ANKRD12: variants seen among roughly 807,000 people sequenced by gnomAD.
ANKRD12 encodes ankyrin repeat domain 12.
A neutral mutation model predicts 183.4 loss-of-function variants in ANKRD12; 85 were observed. That is an observed-to-expected ratio of 0.46 (90% CI 0.39 to 0.56). The LOEUF is 0.56. Among genes scored for constraint, ANKRD12 ranks in the 20% least tolerant of loss-of-function variants. The probability of loss-of-function intolerance (pLI) is 0.00; values close to 1 mark genes in which losing one functional copy is unlikely to be tolerated. For synonymous variants in ANKRD12, 914 were observed against 800.2 expected, an observed-to-expected ratio of 1.14 and a Z score of -2.40; for missense variants, 2,405 against 2,357.1, an observed-to-expected ratio of 1.02 and a Z score of -0.42.
intron 7 of ANKRD12, among the ~76,000 whole-genome samples, chr18:9,217,714 A>G (rs531848608): frequency 2.6e-5 from 4 of 152,280 alleles, no homozygotes; most frequent in East Asian, 3.9e-4. Flanking sequence ...GTACAAACCT[A>G]TATCATAGCA....
chr18:9,215,940 A>G (rs1042112674), intron 6 of ANKRD12, among the ~76,000 whole-genome samples: 7 of 151,972 alleles, frequency 4.6e-5, no homozygotes, highest in African/African-American at 1.7e-4. Context: ...TCAAGTGATG[A>G]GGAAGAAGAC....
rs766509136 is a variant in ANKRD12 at position 9,275,486 on chromosome 18, T to G, written c.5764-38T>G. On this transcript the variant is annotated intron_variant, in intron 10 of 12. Coordinates refer to ENST00000262126, the MANE Select transcript of ANKRD12 (RefSeq NM_015208.5). ...AGACTGTTCTTAAACAAAAATTTGTTGAAGAATTTATTTTTTTTTAATTCT... is the reference window on the plus strand; with the variant it reads ...AGACTGTTCTTAAACAAAAATTTGTGGAAGAATTTATTTTTTTTTAATTCT... The G allele has an allele frequency of 1.1e-5, 17 of 1,587,080 alleles. No individual in the cohort carries two copies. In the South Asian group the frequency reaches 1.8e-4, roughly 17 times the overall value.
intron 4 of ANKRD12, among the ~76,000 whole-genome samples, chr18:9,208,153 G>C (rs1400852378): frequency 6.6e-6 from 1 of 152,094 alleles, no homozygotes; most frequent in Non-Finnish European, 1.5e-5. Flanking sequence ...AAATGATTTG[G>C]TACTTTTTTT....
chr18:9,173,419 CTT>C (rs958500725), intron 1 of ANKRD12, among the ~76,000 whole-genome samples: 3 of 152,032 alleles, frequency 2.0e-5, no homozygotes, highest in African/African-American at 7.2e-5. Context: ...TGTTGATACT[CTT>C]GTTGTTGTTT....
In ANKRD12 at chr18:9,180,087, C is replaced by CT. The variant is rs200040963; in HGVS notation, c.-51-2294dup. On this transcript the variant is annotated intron_variant, in intron 1 of 12. Transcript: ENST00000262126. ...CCTCCAGCTGTAGTTATGAATTTAT[C>CT]TATTTTGTCTATCAGTTGGCCGTTT... 6.3e-3 allele frequency among the ~76,000 whole-genome samples: 953 copies of CT among 152,248 alleles called. 10 individuals are homozygous for CT. The highest frequency in any genetic ancestry group is 0.022 in the African/African-American group (894 of 41,556).
chr18:9,234,374 A>G (rs1477274618), intron 8 of ANKRD12, among the ~76,000 whole-genome samples: 1 of 152,154 alleles, frequency 6.6e-6, no homozygotes, highest in Non-Finnish European at 1.5e-5. Flanking sequence ...AAGGCTGAGC[A>G]CACAGTTTGT....
intron 1 of ANKRD12, among the ~76,000 whole-genome samples, chr18:9,167,556 T>C (rs905243215): frequency 5.3e-5 from 8 of 152,228 alleles, no homozygotes; most frequent in African/African-American, 1.9e-4. Context: ...GTGATTTTTG[T>C]ACATTGATTT....
chr18:9,159,603 T>TC (rs1188340420), intron 1 of ANKRD12, among the ~76,000 whole-genome samples: 1 of 147,538 alleles, frequency 6.8e-6, no homozygotes, highest in Non-Finnish European at 1.5e-5. Context: ...GGCTAAATTT[T>TC]TTTTTTTTTG....
intron 7 of ANKRD12, among the ~76,000 whole-genome samples, chr18:9,220,373 TGGTATA>T (rs950168760): frequency 4.5e-4 from 68 of 152,290 alleles, no homozygotes; most frequent in African/African-American, 1.6e-3. Context: ...TTAATGAATG[TGGTATA>T]GGCTTATGTA....
chr18:9,162,621 G>A (rs982413055), intron 1 of ANKRD12, among the ~76,000 whole-genome samples: 1 of 152,078 alleles, frequency 6.6e-6, no homozygotes, highest in African/African-American at 2.4e-5. Flanking sequence ...TTGAGGAATC[G>A]CCACGCTGTC....
chr18:9,279,672 T>C (rs765434801), intron 12 of ANKRD12, 28 bp downstream of exon 12: 10 of 1,328,682 alleles, frequency 7.5e-6, no homozygotes, highest in Non-Finnish European at 9.5e-6. Context: ...TCAGTTTAAA[T>C]GAATGCTTCC....
intron 4 of ANKRD12, 29 bp from the exon 5 acceptor site, chr18:9,208,628 A>G (rs375331453): frequency 1.1e-5 from 18 of 1,582,042 alleles, no homozygotes; most frequent in South Asian, 2.3e-5. Flanking sequence ...ATTTGTTTCA[A>G]ATTCTTACAT....
At position 9,211,790 on chromosome 18, in the gene ANKRD12, A is replaced by G; in HGVS notation, c.652+6A>G. The G allele has an allele frequency of 6.2e-7, 1 of 1,610,546 alleles. No homozygotes were observed. The highest frequency in any genetic ancestry group is 8.5e-7 in the Non-Finnish European group (1 of 1,177,380). On this transcript the variant is annotated splice_donor_region_variant and intron_variant, in intron 6 of 12. Coordinates refer to ENST00000262126, the MANE Select transcript of ANKRD12 (RefSeq NM_015208.5). Reference sequence around the variant, plus strand: ...GAATGTGAAAGATTTTGCAGGTAAGACTAGTAATTCAATACCTACTATTCA... The same window carrying G: ...GAATGTGAAAGATTTTGCAGGTAAGGCTAGTAATTCAATACCTACTATTCA...
At chr18:9,211,838 C>T in intron 6 of ANKRD12, 54 bp downstream of exon 6, 1 of 1,385,408 alleles carries the variant, frequency 7.2e-7, no homozygotes, top group South Asian at 1.2e-5. Flanking sequence ...TAAACAGATC[C>T]TGGTTACAAT....
chr18:9,146,347 A>C (rs2078492520), intron 1 of ANKRD12, among the ~76,000 whole-genome samples: 1 of 152,110 alleles, frequency 6.6e-6, no homozygotes, highest in Non-Finnish European at 1.5e-5. Flanking sequence ...GAGGAACATG[A>C]GTTTGAGCCC....
chr18:9,169,273 T>G (rs1216637605), intron 1 of ANKRD12, among the ~76,000 whole-genome samples: 1 of 152,212 alleles, frequency 6.6e-6, no homozygotes, highest in Admixed American at 6.5e-5. Context: ...GTATCCTTGT[T>G]AACTTTCTGT....
At position 9,285,029 on chromosome 18, in the gene ANKRD12, A is replaced by AC. The variant is rs1453182111; in HGVS notation, c.*3907dup. On this transcript the variant is annotated 3_prime_UTR_variant, in exon 13 of 13. Transcript: ENST00000262126. ...AGACCATCCTGGCTAACACGGTGAA[A>AC]CCCCGTCTCTACTAAACAAAATGCA... The AC allele has an allele frequency of 6.6e-6, 1 of 151,970 alleles. No homozygotes were observed. The highest frequency in any genetic ancestry group is 1.5e-5 in the Non-Finnish European group (1 of 68,002). The allele number at this position is 151,970 out of a possible 1,614,324, so 9.4% of individuals were successfully genotyped here. A position where few individuals can be genotyped will look rare whatever the true frequency, so the allele number is the denominator to read the frequency against.
At chr18:9,242,414 G>A (rs893446763) in intron 8 of ANKRD12, among the ~76,000 whole-genome samples, 14 of 151,592 alleles carry the variant, frequency 9.2e-5, no homozygotes, top group Non-Finnish European at 1.5e-5. Context: ...GTACATTTGG[G>A]CAGAACACCA....
intron 9 of ANKRD12, chr18:9,260,144 T>G (rs908376086): frequency 8.5e-5 from 13 of 152,218 alleles, no homozygotes; most frequent in African/African-American, 2.4e-4. Context: ...TTTTCTTACT[T>G]TCCAATATGG....
Sources: gnomAD v4.1 joint callset for allele counts (sites outside exome capture counted in the v4.1 genomes callset) on GRCh38, gnomAD v4.1.1 for gene constraint, MANE v1.5 for transcripts, NCBI Gene and HGNC (gene_info 2026-07-23, HGNC 2026-07-21) for gene names.